Variants in HYAL4 observed in about 807,000 individuals in gnomAD.
The protein encoded by HYAL4 is hyaluronidase-4.
A neutral mutation model predicts 35.2 loss-of-function variants in HYAL4; 37 were observed. That is an observed-to-expected ratio of 1.05 (90% CI 0.81 to 1.38). HYAL4 has a LOEUF of 1.38. Ranked by LOEUF, HYAL4 falls within the 40% of genes most tolerant of loss-of-function variation. The probability of loss-of-function intolerance (pLI) is 0.00; values close to 1 mark genes in which losing one functional copy is unlikely to be tolerated. For missense variants in HYAL4, 572 were observed against 572.4 expected (o/e 1.00, Z 0.01); for synonymous variants, 198 against 203.2 (o/e 0.97, Z 0.22).
At chr7:123,776,568 C>T in the HYAL4 span, among the ~76,000 whole-genome samples, 1 of 152,128 alleles carries the variant, frequency 6.6e-6, no homozygotes, top group Non-Finnish European at 1.5e-5. Context: ...TGGGCATCAC[C>T]ACGCCTGGCT....
the HYAL4 span, among the ~76,000 whole-genome samples, chr7:123,795,178 G>T: frequency 4.5e-4 from 69 of 152,334 alleles, no homozygotes; most frequent in African/African-American, 1.6e-3. Flanking sequence ...TTTGGAATGG[G>T]TGTATTTACC....
chr7:123,818,237 A>G, the HYAL4 span, among the ~76,000 whole-genome samples: 1,881 of 152,334 alleles, frequency 0.012, 34 homozygotes, highest in African/African-American at 0.043. Context: ...GTTTATACAT[A>G]GAAATTCATA....
chr7:123,859,648 A>G (rs943314378), intron 2 of HYAL4, among the ~76,000 whole-genome samples: 1 of 152,234 alleles, frequency 6.6e-6, no homozygotes, highest in Non-Finnish European at 1.5e-5. Context: ...ATAAAATTAT[A>G]AAAATGATCT....
upstream of HYAL4, among the ~76,000 whole-genome samples, chr7:123,824,140 C>G (rs1805767522): frequency 6.6e-6 from 1 of 152,140 alleles, no homozygotes; most frequent in Non-Finnish European, 1.5e-5. Context: ...TGACCTTGAT[C>G]AAGTAATTGA....
intron 2 of HYAL4, among the ~76,000 whole-genome samples, chr7:123,864,699 G>A (rs1454110862): frequency 6.6e-6 from 1 of 151,550 alleles, no homozygotes; most frequent in Non-Finnish European, 1.5e-5. Flanking sequence ...GGAAGGGCAG[G>A]CTTGGGGAGG....
At chr7:123,819,549 A>T in the HYAL4 span, 1 of 152,232 alleles carries the variant, frequency 6.6e-6, no homozygotes. Context: ...GACCTTAGTG[A>T]AATTCAAAAA....
At chr7:123,782,071 A>G in the HYAL4 span, among the ~76,000 whole-genome samples, 1 of 133,246 alleles carries the variant, frequency 7.5e-6, no homozygotes, top group Non-Finnish European at 1.7e-5. Flanking sequence ...ACCATGGGCT[A>G]ATATGCTTCC....
At chr7:123,872,166 C>A (rs964383445) in intron 3 of HYAL4, among the ~76,000 whole-genome samples, 3 of 152,122 alleles carry the variant, frequency 2.0e-5, no homozygotes, top group African/African-American at 7.2e-5. Context: ...CCCACCCTTG[C>A]ACCTTTTGGA....
At chr7:123,874,954 A>C in intron 4 of HYAL4, 104 bp downstream of exon 4, 1 of 689,950 alleles carries the variant, frequency 1.4e-6, no homozygotes, top group East Asian at 2.7e-5. Flanking sequence ...CTTTAGAATA[A>C]ATATTCCAAA....
At position 123,868,346 on chromosome 7, in the gene HYAL4, A is replaced by G. The variant is rs143048476; in HGVS notation, c.73A>G (p.Ile25Val). 2.4e-5 allele frequency: 38 copies of G among 1,600,670 alleles called. No individual in the cohort carries two copies. The African/African-American group carries it at 3.9e-4, about 17-fold the overall frequency. Reference protein sequence around the residue: ...QPVHLTSWLLIFFILKSISCL... With the variant: ...QPVHLTSWLLVFFILKSISCL... ...AGTACATCTCACTTCATGGCTCCTT[A>G]TATTTTTTATTCTAAAGTCTATCTC... Residue 25 changes from isoleucine to valine, a missense_variant, in exon 3 of 5, where the codon ATA (isoleucine) becomes GTA (valine). Physicochemically the swap from Ile to Val is conservative, Grantham distance 29 (BLOSUM62 3). Coordinates refer to ENST00000223026, the MANE Select transcript of HYAL4 (RefSeq NM_012269.3).
chr7:123,827,891 C>G (rs1805823571), upstream of HYAL4, among the ~76,000 whole-genome samples: 1 of 152,098 alleles, frequency 6.6e-6, no homozygotes, highest in Non-Finnish European at 1.5e-5. Flanking sequence ...ATAGAAAACT[C>G]AATTTATGTT....
chr7:123,818,131 G>A, the HYAL4 span, among the ~76,000 whole-genome samples: 2 of 152,036 alleles, frequency 1.3e-5, no homozygotes, highest in East Asian at 3.9e-4. Flanking sequence ...TCTGCCTCGG[G>A]CTCCCAAATT....
the HYAL4 span, among the ~76,000 whole-genome samples, chr7:123,764,692 T>A: frequency 6.6e-6 from 1 of 152,310 alleles, no homozygotes; most frequent in African/African-American, 2.4e-5. Context: ...TAATCTTGGA[T>A]CTCCCAATGC....
intron 1 of HYAL4, among the ~76,000 whole-genome samples, chr7:123,837,257 T>A (rs1221156558): frequency 6.6e-6 from 1 of 152,178 alleles, no homozygotes. Flanking sequence ...CTTGTAAGGT[T>A]TCTGCTGGGA....
chr7:123,825,687 A>G (rs1805795005), upstream of HYAL4, among the ~76,000 whole-genome samples: 10 of 152,308 alleles, frequency 6.6e-5, no homozygotes, highest in South Asian at 2.1e-3. Flanking sequence ...GCTATGCATT[A>G]TCAATGAGTT....
At chr7:123,824,426 A>T (rs573393088), upstream of HYAL4, among the ~76,000 whole-genome samples, 5 of 152,110 alleles carry the variant, frequency 3.3e-5, no homozygotes, top group Non-Finnish European at 5.9e-5. Flanking sequence ...AAAGGTGGCA[A>T]TATAATTTTT....
At chr7:123,829,452 A>T (rs1351617906) in intron 1 of HYAL4, among the ~76,000 whole-genome samples, 5 of 152,132 alleles carry the variant, frequency 3.3e-5, no homozygotes, top group Non-Finnish European at 7.4e-5. Context: ...CTCCCAAAAT[A>T]TGTATTGACT....
At chr7:123,847,411 G>A (rs1304069499) in intron 1 of HYAL4, among the ~76,000 whole-genome samples, 1 of 152,066 alleles carries the variant, frequency 6.6e-6, no homozygotes, top group Non-Finnish European at 1.5e-5. Flanking sequence ...ATTTACTCAG[G>A]ATGATACCTA....
intron 2 of HYAL4, among the ~76,000 whole-genome samples, chr7:123,858,113 C>T (rs1011306364): frequency 7.2e-5 from 11 of 152,162 alleles, no homozygotes; most frequent in African/African-American, 2.4e-4. Context: ...GGGAGAATTG[C>T]TTGAGCCCAG....
Sources: gnomAD v4.1 joint callset for allele counts (sites outside exome capture counted in the v4.1 genomes callset) on GRCh38, gnomAD v4.1.1 for gene constraint, MANE v1.5 for transcripts, NCBI Gene and HGNC (gene_info 2026-07-23, HGNC 2026-07-21) for gene names.